The following RIOX2 variants were observed in gnomAD, a reference collection of about 807,000 sequenced individuals.
RIOX2 encodes 60S ribosomal protein L27a histidine hydroxylase.
RIOX2 carries 43 observed loss-of-function variants against 51.2 expected under a neutral mutation model. The ratio of observed to expected loss-of-function variants is 0.84; its 90% CI spans 0.66 to 1.08. The LOEUF (loss-of-function observed/expected upper bound fraction) is 1.08. Among genes scored for constraint, RIOX2 ranks in the 50% least tolerant of loss-of-function variants. The probability of loss-of-function intolerance (pLI) is 0.00; values close to 1 mark genes in which losing one functional copy is unlikely to be tolerated. For missense variants in RIOX2, 566 were observed against 561.7 expected (o/e 1.01, Z -0.08); for synonymous variants, 226 against 218.5 (o/e 1.03, Z -0.30).
intron 1 of RIOX2, among the ~76,000 whole-genome samples, chr3:97,968,519 G>C (rs1705990699): frequency 6.6e-6 from 1 of 152,190 alleles, no homozygotes; most frequent in Non-Finnish European, 1.5e-5. Context: ...CTGAGGTTCT[G>C]CATTTCTAAC....
rs1028298878 is a variant in RIOX2 at position 97,946,602 on chromosome 3, A to ATATATATATATATATC, written c.1150-716_1150-715insGATATATATATATATA. Among the ~76,000 whole-genome samples the ATATATATATATATATC allele has an allele frequency of 1.2e-3, 164 of 137,330 alleles. 2 individuals carry two copies. Among genetic ancestry groups the ATATATATATATATATC allele is most frequent in the African/African-American group, 4.2e-3 (156 of 37,442 alleles). The allele number at this position is 137,330 out of a possible 152,430, so 90.1% of individuals were successfully genotyped here. ...TTTGAGGATGTATATATATATATATATATATCTATTCATGTATATTCATAT... is the reference window on the plus strand; with the variant it reads ...TTTGAGGATGTATATATATATATATATATATATATATATATCTATATCTATTCATGTATATTCATAT... On this transcript the variant is annotated intron_variant, in intron 8 of 9. Coordinates refer to ENST00000394198, the MANE Select transcript of RIOX2 (RefSeq NM_153182.4).
Position 97,961,794 on chromosome 3 carries a change from C to T in RIOX2, c.433-86G>A, listed in dbSNP as rs367845668. 1.8e-5 allele frequency: 25 copies of T among 1,401,602 alleles called. No homozygotes were observed. In the East Asian group the frequency reaches 5.8e-4, roughly 33 times the overall value. The allele number at this position is 1,401,602 out of a possible 1,614,324, so 86.8% of individuals were successfully genotyped here. On this transcript the variant is annotated intron_variant, in intron 2 of 9. Coordinates refer to ENST00000394198, the MANE Select transcript of RIOX2 (RefSeq NM_153182.4). ...AAGAATAAGAGCATGTTCTTGTTCA[C>T]TTAGGAAGTCTTTACTGCACAACTA...
intron 2 of RIOX2, among the ~76,000 whole-genome samples, chr3:97,965,250 G>A (rs906929304): frequency 2.8e-5 from 4 of 142,910 alleles, no homozygotes; most frequent in Non-Finnish European, 6.0e-5. Context: ...AGTGGCTCAC[G>A]CCTGTAATCC....
chr3:97,945,879 A>G lies in RIOX2; in HGVS notation c.1158T>C (p.Ala386=). The change falls in exon 9 of 10, where the codon GCT becomes GCC. Residue 386 remains alanine (A), a synonymous_variant. Coordinates refer to ENST00000394198, the MANE Select transcript of RIOX2 (RefSeq NM_153182.4). ...VLPDQDQSDE[A]QEKMVYIYHS... ...GATAGATGTACACCATCTTTTCTTGAGCTTCATCCTTTGGGGAAAAAATAA... is the reference window on the plus strand; with the variant it reads ...GATAGATGTACACCATCTTTTCTTGGGCTTCATCCTTTGGGGAAAAAATAA... 1 of 1,606,460 alleles carries G rather than the reference A, an allele frequency of 6.2e-7. No homozygotes were observed. The highest frequency in any genetic ancestry group is 8.5e-7 in the Non-Finnish European group (1 of 1,173,854).
intron 3 of RIOX2, among the ~76,000 whole-genome samples, chr3:97,960,984 A>G (rs993760491): frequency 6.6e-6 from 1 of 152,214 alleles, no homozygotes; most frequent in African/African-American, 2.4e-5. Context: ...AAGGAGAAAA[A>G]GGGGACTTTT....
intron 2 of RIOX2, among the ~76,000 whole-genome samples, chr3:97,966,645 C>T (rs1025892708): frequency 6.6e-6 from 1 of 152,162 alleles, no homozygotes; most frequent in Non-Finnish European, 1.5e-5. Context: ...GTCACCCATT[C>T]GGGTGTTATT....
In RIOX2 at chr3:97,945,796, A is replaced by G; in HGVS notation, c.1239+2T>C. 6.2e-7 allele frequency: 1 copy of G among 1,603,632 alleles called. No individual in the cohort carries two copies. The highest frequency in any genetic ancestry group is 8.5e-7 in the Non-Finnish European group (1 of 1,172,362). On this transcript the variant is annotated splice_donor_variant, in intron 9 of 9. Transcript: ENST00000394198. LOFTEE classifies it high-confidence loss of function. ...AGGCATTTGTTTTCAGTTGAAACAA[A>G]CCTCTGTTTCCTCCTCATTTCCCAT...
At chr3:97,949,371 T>C (rs1705147788) in intron 7 of RIOX2, among the ~76,000 whole-genome samples, 1 of 152,160 alleles carries the variant, frequency 6.6e-6, no homozygotes, top group African/African-American at 2.4e-5. Flanking sequence ...TTTCTCCAAA[T>C]GCAGATACCA....
In RIOX2 at chr3:97,943,110, G is replaced by C; in HGVS notation, c.*2074C>G. 1 of 628,248 alleles carries C rather than the reference G, an allele frequency of 1.6e-6. No individual in the cohort carries two copies. The highest frequency in any genetic ancestry group is 2.0e-5 in the South Asian group (1 of 49,958). The allele number at this position is 628,248 out of a possible 1,614,324, so 38.9% of individuals were successfully genotyped here. Reference sequence around the variant, plus strand: ...TCAGCTTCCCATTTCAGACTTCTTTGTAAATGACACATTCATCCACCGAAA... The same window carrying C: ...TCAGCTTCCCATTTCAGACTTCTTTCTAAATGACACATTCATCCACCGAAA... On this transcript the variant is annotated 3_prime_UTR_variant, in exon 10 of 10. Transcript: ENST00000394198.
In RIOX2 at chr3:97,949,990, G is replaced by A. The variant is rs1178179276; in HGVS notation, c.914C>T (p.Thr305Ile). ...CCTCAGGAAGCCACTTAATCGTCTT[G>A]TAGCAACAGTTGTGGATTCCACCTG... ...LLQVESTTVATRRLSGFLRTL... is the reference protein window; with the variant it reads ...LLQVESTTVAIRRLSGFLRTL... Residue 305 changes from threonine to isoleucine, a missense_variant, in exon 7 of 10, where the codon ACA becomes ATA. Physicochemically the swap from Thr to Ile is moderately conservative, Grantham distance 89 (BLOSUM62 -1). Transcript: ENST00000394198. 2 of 1,613,828 alleles carry A rather than the reference G, an allele frequency of 1.2e-6. No individual in the cohort carries two copies. The highest frequency in any genetic ancestry group is 2.7e-5 in the African/African-American group (2 of 75,022).
intron 4 of RIOX2, among the ~76,000 whole-genome samples, chr3:97,957,738 C>G (rs1433703936): frequency 6.6e-6 from 1 of 152,048 alleles, no homozygotes; most frequent in African/African-American, 2.4e-5. Context: ...AGTAACTCAG[C>G]CCTGACTTCC....
intron 1 of RIOX2, among the ~76,000 whole-genome samples, chr3:97,967,893 T>C (rs1305935957): frequency 6.6e-6 from 1 of 152,210 alleles, no homozygotes; most frequent in Non-Finnish European, 1.5e-5. Flanking sequence ...CACTATGTCA[T>C]GGTATTATTT....
chr3:97,959,240 C>T (rs1705574681), intron 3 of RIOX2, 61 bp from the exon 4 acceptor site: 4 of 1,555,598 alleles, frequency 2.6e-6, no homozygotes, highest in African/African-American at 2.8e-5. Flanking sequence ...ACACAAAGTG[C>T]TTCCGGACTA....
At chr3:97,969,324 G>A (rs1706029648) in intron 1 of RIOX2, among the ~76,000 whole-genome samples, 1 of 152,176 alleles carries the variant, frequency 6.6e-6, no homozygotes, top group Non-Finnish European at 1.5e-5. Flanking sequence ...AATTCTCCAG[G>A]AAAGAATTAA....
chr3:97,949,961 G>A lies in RIOX2; in HGVS notation c.943C>T (p.Leu315Phe), dbSNP rs1251968285. The A allele has an allele frequency of 3.1e-6, 5 of 1,613,868 alleles. No individual in the cohort carries two copies. Among genetic ancestry groups the A allele is most frequent in the Non-Finnish European group, 4.2e-6 (5 of 1,179,948 alleles). ...TRRLSGFLRT[L>F]ADRLEGTKEL... ...TTGGTGCCCTCCAGCCGGTCTGCAA[G>A]TGTCCTCAGGAAGCCACTTAATCGT... Residue 315 changes from leucine (L) to phenylalanine (F), a missense_variant, in exon 7 of 10, where the codon CTT becomes TTT. Leu to Phe is a conservative substitution (Grantham distance 22). Coordinates refer to ENST00000394198, the MANE Select transcript of RIOX2 (RefSeq NM_153182.4).
rs1318452351 is a variant in RIOX2 at position 97,947,215 on chromosome 3, A to G, written c.1149+146T>C. On this transcript the variant is annotated intron_variant, in intron 8 of 9. Transcript: ENST00000394198. Reference sequence around the variant, plus strand: ...GGAATTGGAACTGTGAGATTTGGTCATCATCTGACCTGAAGAAATGGCATT... The same window carrying G: ...GGAATTGGAACTGTGAGATTTGGTCGTCATCTGACCTGAAGAAATGGCATT... 4.7e-6 allele frequency: 3 copies of G among 643,554 alleles called. No individual in the cohort carries two copies. In the Admixed American group the frequency reaches 8.0e-5, roughly 17 times the overall value. 39.9% of individuals were successfully genotyped at this position (643,554 alleles called of 1,614,324 possible).
At chr3:97,963,135 T>A (rs1462491836) in intron 2 of RIOX2, among the ~76,000 whole-genome samples, 3 of 152,186 alleles carry the variant, frequency 2.0e-5, no homozygotes, top group African/African-American at 4.8e-5. Flanking sequence ...AAGACTTTTT[T>A]AAGACATGGT....
intron 4 of RIOX2, among the ~76,000 whole-genome samples, chr3:97,955,768 G>A (rs77768726): frequency 0.017 from 2,626 of 152,156 alleles, 77 homozygotes; most frequent in African/African-American, 0.059. Context: ...ATGTCACTGC[G>A]CAAACATCAG....
intron 2 of RIOX2, among the ~76,000 whole-genome samples, chr3:97,965,121 TA>T (rs1331202986): frequency 6.7e-6 from 1 of 149,506 alleles, no homozygotes; most frequent in African/African-American, 2.5e-5. Flanking sequence ...AACCACCTTA[TA>T]ATATAGCACT....
Sources: gnomAD v4.1 joint callset for allele counts (sites outside exome capture counted in the v4.1 genomes callset) on GRCh38, gnomAD v4.1.1 for gene constraint, MANE v1.5 for transcripts, NCBI Gene and HGNC (gene_info 2026-07-23, HGNC 2026-07-21) for gene names.